PRKCA: variants seen among roughly 807,000 people sequenced by gnomAD.
PRKCA encodes the protein protein kinase C alpha.
In PRKCA, 27 loss-of-function variants were observed where a neutral mutation model predicts 87.0. The observed-to-expected ratio is 0.31, with a 90% confidence interval of 0.23 to 0.43. The LOEUF is 0.43. Ranked by LOEUF, PRKCA falls within the 20% of genes least tolerant of loss-of-function variation. PRKCA has a pLI of 1.00. For missense variants in PRKCA, 518 were observed against 852.3 expected, an observed-to-expected ratio of 0.61 and a Z score of 4.88; for synonymous variants, 329 against 311.1, an observed-to-expected ratio of 1.06 and a Z score of -0.61.
At chr17:66,374,500 T>G (rs9892815) in intron 2 of PRKCA, among the ~76,000 whole-genome samples, 1 of 152,140 alleles carries the variant, frequency 6.6e-6, no homozygotes, top group Non-Finnish European at 1.5e-5. Flanking sequence ...CCCAGCCTAG[T>G]GGAGACTTGC....
chr17:66,426,056 C>T (rs373857019), intron 2 of PRKCA, among the ~76,000 whole-genome samples: 20 of 152,200 alleles, frequency 1.3e-4, no homozygotes, highest in Middle Eastern at 3.4e-3. Flanking sequence ...CCTTTGTCTA[C>T]GTTGGATTAC....
chr17:66,798,455 G>A (rs1975741436), intron 16 of PRKCA, among the ~76,000 whole-genome samples: 1 of 31,106 alleles, frequency 3.2e-5, no homozygotes. Flanking sequence ...GGTGGTGACG[G>A]TGGTGGTGGT....
chr17:66,580,953 C>G (rs1027688176), intron 3 of PRKCA, among the ~76,000 whole-genome samples: 1 of 151,810 alleles, frequency 6.6e-6, no homozygotes, highest in Non-Finnish European at 1.5e-5. Context: ...TCGATTTATC[C>G]CATGTTCCTA....
intron 2 of PRKCA, among the ~76,000 whole-genome samples, chr17:66,327,534 AAAAAT>A (rs935502336): frequency 1.3e-5 from 2 of 152,066 alleles, no homozygotes; most frequent in Non-Finnish European, 2.9e-5. Flanking sequence ...AGACTGTCTC[AAAAAT>A]AAAATAAAAT....
Position 66,803,210 on chromosome 17 carries a change from C to T in PRKCA, c.1855-663C>T, listed in dbSNP as rs917157056. Among the ~76,000 whole-genome samples the T allele has an allele frequency of 2.0e-5, 3 of 152,124 alleles. No homozygotes were observed. Among genetic ancestry groups the T allele is most frequent in the African/African-American group, 4.8e-5 (2 of 41,430 alleles). On this transcript the variant is annotated intron_variant, in intron 16 of 16. Transcript: ENST00000413366. The surrounding 1 kb of genome is among the most constrained non-coding windows in gnomAD (Gnocchi z 4.4). ...GCAAACATCCTCCAGCCTGAGACCA[C>T]CCTGCAAATAAGCTCCAGTCAGTCA... is the stretch of plus-strand genomic sequence containing the variant.
intron 2 of PRKCA, among the ~76,000 whole-genome samples, chr17:66,441,421 TG>T (rs907043226): frequency 4.9e-5 from 4 of 81,050 alleles, no homozygotes; most frequent in African/African-American, 1.5e-4. Flanking sequence ...AGGGAGATCG[TG>T]GATCCCTGAG....
chr17:66,307,706 G>A (rs1427510775), intron 2 of PRKCA, among the ~76,000 whole-genome samples: 1 of 152,156 alleles, frequency 6.6e-6, no homozygotes, highest in East Asian at 1.9e-4. Flanking sequence ...GGTTTTGCAT[G>A]ATTTCCCCCA....
At chr17:66,765,131 AG>A (rs980785671) in intron 13 of PRKCA, among the ~76,000 whole-genome samples, 1 of 152,108 alleles carries the variant, frequency 6.6e-6, no homozygotes, top group African/African-American at 2.4e-5. Flanking sequence ...CATTTAATGA[AG>A]GCCAGGCATG....
intron 3 of PRKCA, among the ~76,000 whole-genome samples, chr17:66,618,494 T>A (rs1970578079): frequency 6.6e-6 from 1 of 152,164 alleles, no homozygotes; most frequent in African/African-American, 2.4e-5. Flanking sequence ...AAACATTAAC[T>A]GTTTTGGGGC....
chr17:66,587,490 A>T (rs1343843565), intron 3 of PRKCA, among the ~76,000 whole-genome samples: 1 of 152,082 alleles, frequency 6.6e-6, no homozygotes, highest in East Asian at 1.9e-4. Flanking sequence ...TTTACTTGTT[A>T]TATATGATGA....
intron 2 of PRKCA, among the ~76,000 whole-genome samples, chr17:66,325,519 T>C (rs771580245): frequency 6.6e-6 from 1 of 152,180 alleles, no homozygotes; most frequent in African/African-American, 2.4e-5. Context: ...TTTGACCTTA[T>C]AGGAACCATA....
At chr17:66,323,397 G>T (rs1196523360) in intron 2 of PRKCA, among the ~76,000 whole-genome samples, 1 of 152,178 alleles carries the variant, frequency 6.6e-6, no homozygotes, top group African/African-American at 2.4e-5. Flanking sequence ...AACACCAATG[G>T]AATGTTTTCT....
chr17:66,674,115 C>G (rs1438913893), intron 5 of PRKCA, among the ~76,000 whole-genome samples: 2 of 152,230 alleles, frequency 1.3e-5, no homozygotes, highest in Non-Finnish European at 2.9e-5. Flanking sequence ...TTTATCTTGT[C>G]TGTCCTGTGT....
At chr17:66,335,824 A>G (rs1054064316) in intron 2 of PRKCA, among the ~76,000 whole-genome samples, 1 of 152,158 alleles carries the variant, frequency 6.6e-6, no homozygotes, top group African/African-American at 2.4e-5. Flanking sequence ...GTTTTTCTTT[A>G]TAGATAATTA....
intron 3 of PRKCA, among the ~76,000 whole-genome samples, chr17:66,582,470 T>G (rs1408823411): frequency 1.3e-5 from 2 of 152,156 alleles, no homozygotes; most frequent in Non-Finnish European, 2.9e-5. Context: ...TGGTAGTGGA[T>G]AAGTCTCATG....
intron 3 of PRKCA, among the ~76,000 whole-genome samples, chr17:66,599,716 C>T (rs1970030473): frequency 3.6e-5 from 1 of 27,562 alleles, no homozygotes; most frequent in Admixed American, 4.8e-4. Flanking sequence ...CTCTTGTAGG[C>T]ATTTAGTGCT....
At chr17:66,522,699 G>C (rs1267423837) in intron 3 of PRKCA, among the ~76,000 whole-genome samples, 1 of 151,988 alleles carries the variant, frequency 6.6e-6, no homozygotes, top group African/African-American at 2.4e-5. Flanking sequence ...CACAGTTTAT[G>C]TGCATAGCAG....
In PRKCA at chr17:66,302,811, C is replaced by T. The variant is rs758450669; in HGVS notation, c.-41C>T. The T allele has an allele frequency of 2.7e-6, 4 of 1,469,052 alleles. No homozygotes were observed. Among genetic ancestry groups the T allele is most frequent in the South Asian group, 1.3e-5 (1 of 78,280 alleles). The allele number at this position is 1,469,052 out of a possible 1,614,324, so 91.0% of individuals were successfully genotyped here. A position where few individuals can be genotyped will look rare whatever the true frequency, so the allele number is the denominator to read the frequency against. On this transcript the variant is annotated 5_prime_UTR_variant, in exon 1 of 17. Transcript: ENST00000413366. ...CCCCGCCCACCCGGCCCTCCGCGGC[C>T]GCAGCTCCCCGGCGGAGGCAAGAGG...
chr17:66,333,699 C>G (rs558501075), intron 2 of PRKCA, among the ~76,000 whole-genome samples: 1 of 152,174 alleles, frequency 6.6e-6, no homozygotes, highest in Admixed American at 6.5e-5. Context: ...CTGTTGTCAG[C>G]CTCCCCCAGG....
Sources: gnomAD v4.1 joint callset for allele counts (sites outside exome capture counted in the v4.1 genomes callset) on GRCh38, gnomAD v4.1.1 for gene constraint, Gnocchi (gnomAD v3.1) non-coding constraint, MANE v1.5 for transcripts, NCBI Gene and HGNC (gene_info 2026-07-23, HGNC 2026-07-21) for gene names.